The following TEX264 variants were observed in gnomAD, a reference collection of about 807,000 sequenced individuals.
The protein encoded by TEX264 is testis expressed 264, ER-phagy receptor.
Under a neutral mutation model 23.4 loss-of-function variants are expected in TEX264, and 13 were observed. The observed-to-expected ratio is 0.56, with a 90% CI of 0.36 to 0.88. The LOEUF is 0.88. TEX264 is among the 40% of genes least tolerant of loss of function. The probability of loss-of-function intolerance (pLI) is 0.01; values close to 1 mark genes in which losing one functional copy is unlikely to be tolerated. For missense variants in TEX264, 340 were observed against 406.8 expected, an observed-to-expected ratio of 0.84 and a Z score of 1.41; for synonymous variants, 159 against 170.0, an observed-to-expected ratio of 0.94 and a Z score of 0.50.
chr3:51,674,155 T>TGGGTCAGAGCACCCAAGGC, intron 1 of TEX264, 116 bp from the exon 2 acceptor site: 2 of 1,067,110 alleles, frequency 1.9e-6, no homozygotes, highest in South Asian at 3.1e-5. Flanking sequence ...CTCCCCTTTC[T>TGGGTCAGAGCACCCAAGGC]GGGTCAGAGC....
chr3:51,685,402 TG>T (rs1169531850), intron 3 of TEX264, among the ~76,000 whole-genome samples: 2 of 152,228 alleles, frequency 1.3e-5, no homozygotes, highest in Non-Finnish European at 2.9e-5. Flanking sequence ...AATGAAACGT[TG>T]GTGCATGAAA....
intron 3 of TEX264, among the ~76,000 whole-genome samples, chr3:51,689,452 T>TA (rs60760403): frequency 0.15 from 18,276 of 121,024 alleles, 1,459 homozygotes; most frequent in Non-Finnish European, 0.23. Context: ...GTAAAAACAT[T>TA]AAAAAAAAAA....
Position 51,704,050 on chromosome 3 carries a change from T to A in TEX264, c.*34T>A, listed in dbSNP as rs1703434244. 1 of 1,433,772 alleles carries A rather than the reference T, an allele frequency of 7.0e-7. No homozygotes were observed. The highest frequency in any genetic ancestry group is 9.1e-7 in the Non-Finnish European group (1 of 1,093,274). The allele number at this position is 1,433,772 out of a possible 1,614,324, so 88.8% of individuals were successfully genotyped here. On this transcript the variant is annotated 3_prime_UTR_variant, in exon 5 of 5. Transcript: ENST00000341333. ...CTGCACCCTCCTGCAGTGCAGTTGC[T>A]GAGGAACTGAGCAGACTCTCCAGCA...
At chr3:51,700,151 T>A (rs1046239027) in intron 4 of TEX264, among the ~76,000 whole-genome samples, 4 of 152,102 alleles carry the variant, frequency 2.6e-5, no homozygotes, top group African/African-American at 7.2e-5. Flanking sequence ...AGGCCCCAGG[T>A]CCAGGCTGGA....
At chr3:51,674,729 TC>T (rs1178798381) in intron 2 of TEX264, among the ~76,000 whole-genome samples, 167 bp downstream of exon 2, 1 of 152,218 alleles carries the variant, frequency 6.6e-6, no homozygotes, top group Non-Finnish European at 1.5e-5. Flanking sequence ...AGCCTGGACT[TC>T]TGCTCCCGGC....
rs759636482 is a variant in TEX264 at position 51,684,534 on chromosome 3, C to T, written c.380C>T (p.Ala127Val). The change falls in exon 3 of 5, where the codon GCA (alanine) becomes GTA (valine). Residue 127 changes from alanine to valine, a missense_variant. Transcript: ENST00000341333. ...KFGFKVFSFP[A>V]PSHVVTATFP... The stretch of plus-strand genomic sequence containing the variant: ...GGCTTCAAGGTGTTCTCCTTCCCGG[C>T]ACCCAGCCATGTGGTGACAGCCACC... 1.9e-6 allele frequency: 3 copies of T among 1,614,216 alleles called. No homozygotes were observed. Among genetic ancestry groups the T allele is most frequent in the Non-Finnish European group, 2.5e-6 (3 of 1,180,038 alleles).
chr3:51,685,249 C>G (rs1360946232), intron 3 of TEX264, among the ~76,000 whole-genome samples: 1 of 152,218 alleles, frequency 6.6e-6, no homozygotes, highest in Non-Finnish European at 1.5e-5. Context: ...AAAACTTGCC[C>G]TGTTACACAT....
intron 3 of TEX264, 134 bp from the exon 4 acceptor site, chr3:51,699,271 GA>G: frequency 1.2e-6 from 1 of 860,414 alleles, no homozygotes; most frequent in South Asian, 1.6e-5. Flanking sequence ...CAGGGCTTTG[GA>G]ACTTGGAAGA....
rs149977088 is a variant in TEX264 at position 51,686,331 on chromosome 3, G to C, written c.480+1697G>C. Among the ~76,000 whole-genome samples, 1,910 of 152,316 alleles carry C rather than the reference G, an allele frequency of 0.013. 42 individuals carry two copies. Among genetic ancestry groups the C allele is most frequent in the Non-Finnish European group, 0.014 (983 of 68,026 alleles). ...ACAGGACGAGAGTCAGTGGGAGTGAGAGCCTGGTACACTTGGAGGATCCTT... is the reference window on the plus strand; with the variant it reads ...ACAGGACGAGAGTCAGTGGGAGTGACAGCCTGGTACACTTGGAGGATCCTT... On this transcript the variant is annotated intron_variant, in intron 3 of 4. Transcript: ENST00000341333. This position sits in a 1 kb window ranked among gnomAD's most constrained non-coding sequence, Gnocchi z 4.1.
rs1402788526 is a variant in TEX264, at chr3:51,686,206, C to G, written c.480+1572C>G. 6.6e-6 allele frequency among the ~76,000 whole-genome samples: 1 copy of G among 152,180 alleles called. No homozygotes were observed. The highest frequency in any genetic ancestry group is 6.5e-5 in the Admixed American group (1 of 15,282). On this transcript the variant is annotated intron_variant, in intron 3 of 4. Coordinates refer to ENST00000341333, the MANE Select transcript of TEX264 (RefSeq NM_015926.6). The surrounding 1 kb of genome is among the most constrained non-coding windows in gnomAD (Gnocchi z 4.1). Reference sequence around the variant, plus strand: ...TGGCAGTATTTGACCTGGGAGGCTGCCCTGTGCCTCCCTGCCTCTGTGGGA... The same window carrying G: ...TGGCAGTATTTGACCTGGGAGGCTGGCCTGTGCCTCCCTGCCTCTGTGGGA...
chr3:51,703,680 T>C lies in TEX264; in HGVS notation c.650-44T>C. 1 of 1,525,174 alleles carries C rather than the reference T, an allele frequency of 6.6e-7. No individual in the cohort carries two copies. The highest frequency in any genetic ancestry group is 8.9e-7 in the Non-Finnish European group (1 of 1,128,494). 94.5% of individuals were successfully genotyped at this position (1,525,174 alleles called of 1,614,324 possible). A position where few individuals can be genotyped will look rare whatever the true frequency, so the allele number is the denominator to read the frequency against. On this transcript the variant is annotated intron_variant, in intron 4 of 4. Coordinates refer to ENST00000341333, the MANE Select transcript of TEX264 (RefSeq NM_015926.6). This position sits in a 1 kb window ranked among gnomAD's most constrained non-coding sequence, Gnocchi z 4.8. ...AGTTGCCTCTCCCTGGAGGAGGGGG[T>C]GGGGTGGTCCTAGCTAACCTGTGCT... is the stretch of plus-strand genomic sequence containing the variant.
rs1702610743 is a variant in TEX264, at chr3:51,686,095, G to T, written c.480+1461G>T. Among the ~76,000 whole-genome samples, 1 of 152,164 alleles carries T rather than the reference G, an allele frequency of 6.6e-6. No homozygotes were observed. The highest frequency in any genetic ancestry group is 2.1e-4 in the South Asian group (1 of 4,834). ...GAGCTGCCTGAGATACATCTAAGTT[G>T]GGGGGTGTGGAGTCAGCAATGGTAT... On this transcript the variant is annotated intron_variant, in intron 3 of 4. Transcript: ENST00000341333. The surrounding 1 kb of genome is among the most constrained non-coding windows in gnomAD (Gnocchi z 4.1).
chr3:51,682,528 A>G (rs1003029261), intron 2 of TEX264: 1 of 152,262 alleles, frequency 6.6e-6, no homozygotes, highest in African/African-American at 2.4e-5. Context: ...ATTCTAGGCC[A>G]TGGACAGTTG....
chr3:51,697,453 A>G (rs528959221), intron 3 of TEX264, among the ~76,000 whole-genome samples: 1 of 152,326 alleles, frequency 6.6e-6, no homozygotes, highest in East Asian at 1.9e-4. Context: ...TCTTCCCCCA[A>G]AAGCCAAATG....
intron 3 of TEX264, among the ~76,000 whole-genome samples, chr3:51,692,988 A>G (rs1264157758): frequency 6.6e-6 from 1 of 152,246 alleles, no homozygotes; most frequent in East Asian, 1.9e-4. Flanking sequence ...AAGGCTGGGT[A>G]TGGATGCAGG....
At chr3:51,685,082 T>C (rs1183962819) in intron 3 of TEX264, among the ~76,000 whole-genome samples, 2 of 152,244 alleles carry the variant, frequency 1.3e-5, no homozygotes, top group East Asian at 1.9e-4. Flanking sequence ...CTTATACATC[T>C]GCTCCCAGAG....
intron 3 of TEX264, among the ~76,000 whole-genome samples, chr3:51,698,490 CA>C (rs60273718): frequency 0.034 from 5,169 of 152,258 alleles, 276 homozygotes; most frequent in African/African-American, 0.11. Flanking sequence ...GAGTAAGAGG[CA>C]ACTTGACCCC....
At chr3:51,693,255 G>A (rs1702892186) in intron 3 of TEX264, among the ~76,000 whole-genome samples, 1 of 152,182 alleles carries the variant, frequency 6.6e-6, no homozygotes, top group Non-Finnish European at 1.5e-5. Flanking sequence ...GGCAGTGGCG[G>A]CAGCAGGCGC....
Position 51,674,310 on chromosome 3 carries a change from G to A in TEX264, c.6G>A (p.Ser2=), listed in dbSNP as rs145319738. Residue 2 remains serine (S), a synonymous_variant, in exon 2 of 5, where the codon TCG becomes TCA. Transcript: ENST00000341333. ...AGTGTTGGGGATCCAGAGCCATGTC[G>A]GACCTGCTACTACTGGGCCTGATTG... The part of the protein sequence containing the change: M[S]DLLLLGLIGG... 245 of 1,614,024 alleles carry A rather than the reference G, an allele frequency of 1.5e-4. No homozygotes were observed. Among genetic ancestry groups the A allele is most frequent in the Non-Finnish European group, 2.0e-4 (238 of 1,180,036 alleles).
Sources: allele counts gnomAD v4.1 joint callset (sites outside exome capture counted in the v4.1 genomes callset), GRCh38; gene constraint gnomAD v4.1.1; non-coding constraint Gnocchi (gnomAD v3.1); transcripts MANE v1.5; gene names NCBI Gene and HGNC (gene_info 2026-07-23, HGNC 2026-07-21).